The following FMO5 variants were observed in gnomAD, a reference collection of about 807,000 sequenced individuals.
FMO5 encodes the protein flavin-containing monooxygenase 5.
A neutral mutation model predicts 43.6 loss-of-function variants in FMO5; 51 were observed. The observed-to-expected ratio is 1.17, with a 90% confidence interval of 0.93 to 1.48. The LOEUF (loss-of-function observed/expected upper bound fraction) is 1.48, where lower values mean the gene tolerates loss of function less well. FMO5 is among the 40% of genes most tolerant of loss of function. The pLI is 0.00. For synonymous variants in FMO5, 187 were observed against 216.5 expected (o/e 0.86, Z 1.20); for missense variants, 644 against 643.0 (o/e 1.00, Z -0.02).
At chr1:147,184,709 A>G, downstream of FMO5, 3 of 1,388,346 alleles carry the variant, frequency 2.2e-6, no homozygotes, top group Non-Finnish European at 2.8e-6. The surrounding 1 kb of genome is among the most constrained non-coding windows in gnomAD (Gnocchi z 4.4). Context: ...GGTACATACT[A>G]TCAGTGTGAC....
Position 147,198,467 on chromosome 1 carries a change from G to A in FMO5, c.1183+2685C>T, listed in dbSNP as rs1658380911. On this transcript the variant is annotated intron_variant, in intron 7 of 8. Transcript: ENST00000254090. Reference sequence around the variant, plus strand: ...AGCACAGTGGAAGCAAAAGCACAGGGTACAAGGGTACCTGCTGTGTTTGCT... The same window carrying A: ...AGCACAGTGGAAGCAAAAGCACAGGATACAAGGGTACCTGCTGTGTTTGCT... Among the ~76,000 whole-genome samples the A allele has an allele frequency of 2.6e-5, 4 of 152,104 alleles. 1 individual carries two copies. In the South Asian group the frequency reaches 8.3e-4, roughly 31 times the overall value.
chr1:147,198,415 A>G (rs1658373011), intron 7 of FMO5, among the ~76,000 whole-genome samples: 1 of 152,182 alleles, frequency 6.6e-6, no homozygotes, highest in African/African-American at 2.4e-5. Context: ...AGAAATAAAA[A>G]GTAAAAGGAG....
At chr1:147,211,407 T>C (rs1476713086) in intron 5 of FMO5, 1 of 152,242 alleles carries the variant, frequency 6.6e-6, no homozygotes, top group African/African-American at 2.4e-5. Context: ...CTGATAAATG[T>C]CTGTTGAATT....
At chr1:147,222,267 C>G (rs1663164651) in intron 2 of FMO5, among the ~76,000 whole-genome samples, 1 of 152,100 alleles carries the variant, frequency 6.6e-6, no homozygotes, top group African/African-American at 2.4e-5. Context: ...ACTTGAGAGG[C>G]TAAGGCATGA....
intron 2 of FMO5, among the ~76,000 whole-genome samples, chr1:147,222,296 A>C (rs1294579897): frequency 6.6e-6 from 1 of 152,200 alleles, no homozygotes; most frequent in Admixed American, 6.5e-5. Context: ...TGAACCCAGG[A>C]GGCAGAGGTT....
In FMO5 at chr1:147,195,002, TGAG is replaced by T. The variant is rs587741986; in HGVS notation, c.1184-4756_1184-4754del. ...TTATGTGTCTTGGAGTTGCTCTTCT[TGAG>T]GAGTATCTTTGTGGCGTTCTCTGTA... On this transcript the variant is annotated intron_variant, in intron 7 of 8. Coordinates refer to ENST00000254090, the MANE Select transcript of FMO5 (RefSeq NM_001461.4). Among the ~76,000 whole-genome samples the T allele has an allele frequency of 2.8e-4, 42 of 151,408 alleles. No individual in the cohort carries two copies. In the East Asian group the frequency reaches 7.9e-3, roughly 29 times the overall value.
At chr1:147,223,226 C>G (rs1553926689) in intron 2 of FMO5, among the ~76,000 whole-genome samples, 1 of 152,158 alleles carries the variant, frequency 6.6e-6, no homozygotes, top group African/African-American at 2.4e-5. Flanking sequence ...GCAGAATTTT[C>G]TGCTGTTTAC....
chr1:147,201,395 A>G lies in FMO5; in HGVS notation c.940T>C (p.Phe314Leu), dbSNP rs139232242. The stretch of plus-strand genomic sequence containing the variant: ...TCATCCTCCCTGGAGCCATCCTCAA[A>G]TATGGCAGCTGTCTCCGTGAATTCC... The part of the protein sequence containing the change: ...VKEFTETAAI[F>L]EDGSREDDID... The change falls in exon 7 of 9, where the codon TTT (phenylalanine) becomes CTT (leucine). Residue 314 changes from phenylalanine to leucine, a missense_variant. Transcript: ENST00000254090. 1.2e-6 allele frequency: 2 copies of G among 1,613,914 alleles called. No homozygotes were observed. The highest frequency in any genetic ancestry group is 1.7e-6 in the Non-Finnish European group (2 of 1,179,886).
intron 6 of FMO5, among the ~76,000 whole-genome samples, chr1:147,207,381 G>A (rs781804926): frequency 6.6e-6 from 1 of 152,064 alleles, no homozygotes; most frequent in Non-Finnish European, 1.5e-5. Context: ...CTGTAGATCT[G>A]AACATTTTCA....
At chr1:147,225,116 T>C in intron 1 of FMO5, 50 bp from the exon 2 acceptor site, 5 of 1,599,688 alleles carry the variant, frequency 3.1e-6, no homozygotes, top group South Asian at 1.1e-5. Flanking sequence ...TTAACATTTT[T>C]CAAGGAAGAC....
At position 147,213,447 on chromosome 1, in the gene FMO5, C is replaced by A; in HGVS notation, c.348G>T (p.Lys116Asn). 2 of 1,610,332 alleles carry A rather than the reference C, an allele frequency of 1.2e-6. No homozygotes were observed. Among genetic ancestry groups the A allele is most frequent in the Non-Finnish European group, 1.7e-6 (2 of 1,177,960 alleles). The change falls in exon 4 of 9, where the codon AAG (lysine) becomes AAT (asparagine). Residue 116 changes from lysine (K) to asparagine (N), a missense_variant. By Grantham distance (94) the Lys-to-Asn change is moderately conservative. Coordinates refer to ENST00000254090, the MANE Select transcript of FMO5 (RefSeq NM_001461.4). ...RFKTTVCSVK[K>N]QPDFATSGQW... ...GGCCTGAAGTGGCAAAATCAGGCTG[C>A]TTCTTCACACTGCACACAGTGGTCT...
At chr1:147,206,951 A>T (rs913394267) in intron 6 of FMO5, among the ~76,000 whole-genome samples, 67 of 151,986 alleles carry the variant, frequency 4.4e-4, no homozygotes, top group East Asian at 1.5e-3. Context: ...TATATATATA[A>T]AAAGAGAGAT....
intron 3 of FMO5, 138 bp from the exon 4 acceptor site, chr1:147,213,608 A>G (rs1039510121): frequency 4.3e-6 from 3 of 697,544 alleles, no homozygotes; most frequent in African/African-American, 3.7e-5. Flanking sequence ...TACTCCACAA[A>G]TAAGAACTGT....
In FMO5 at chr1:147,190,252, A is replaced by G. The variant is rs782257804; in HGVS notation, c.1184-3T>C. On this transcript the variant is annotated splice_region_variant and splice_polypyrimidine_tract_variant and intron_variant, in intron 7 of 8. Coordinates refer to ENST00000254090, the MANE Select transcript of FMO5 (RefSeq NM_001461.4). ...CTGTGAGGGCAATGTCTTTAGACCT[A>G]AAAACAAAAATTAACATTTTAACTG... 1 of 1,584,084 alleles carries G rather than the reference A, an allele frequency of 6.3e-7. No individual in the cohort carries two copies. Among genetic ancestry groups the G allele is most frequent in the South Asian group, 1.1e-5 (1 of 88,990 alleles).
rs1553920964 is a variant in FMO5, at chr1:147,201,435, C to T, written c.900G>A (p.Val300=). The T allele has an allele frequency of 6.2e-7, 1 of 1,614,152 alleles. No individual in the cohort carries two copies. The highest frequency in any genetic ancestry group is 8.5e-7 in the Non-Finnish European group (1 of 1,180,018). The change falls in exon 7 of 9, where the codon GTG becomes GTA. Residue 300 remains valine (V), a synonymous_variant. Transcript: ENST00000254090. ...PNRIISGLVK[V]KGNVKEFTET... ...CCGTGAATTCCTTCACATTTCCTTT[C>T]ACTTTCACCAAGCCAGAAATGATAC...
At position 147,186,973 on chromosome 1, in the gene FMO5, A is replaced by G. The variant is rs782462768; in HGVS notation, c.1529T>C (p.Met510Thr). The G allele has an allele frequency of 2.5e-6, 4 of 1,614,224 alleles. No individual in the cohort carries two copies. In the East Asian group the frequency reaches 8.9e-5, roughly 36 times the overall value. ...MTRVVERSSS[M>T]TSTMTIGKFM... ...CTTGCCTATTGTCATTGTTGAAGTC[A>G]TAGAACTACTCCTTTCAACTACTCT... The change falls in exon 9 of 9, where the codon ATG (methionine) becomes ACG (threonine). Residue 510 changes from methionine to threonine, a missense_variant. Coordinates refer to ENST00000254090, the MANE Select transcript of FMO5 (RefSeq NM_001461.4).
chr1:147,201,328 A>T lies in FMO5; in HGVS notation c.1007T>A (p.Phe336Tyr). Reference sequence around the variant, plus strand: ...TTTGACGGAATCTTCCAGAAATGGAAAGTCAAAGCTATAGCCTGTGGCAAA... The same window carrying T: ...TTTGACGGAATCTTCCAGAAATGGATAGTCAAAGCTATAGCCTGTGGCAAA... The part of the protein sequence containing the change: ...VIFATGYSFD[F>Y]PFLEDSVKVV... The change falls in exon 7 of 9, where the codon TTT becomes TAT. Residue 336 changes from phenylalanine (F) to tyrosine (Y), a missense_variant. Transcript: ENST00000254090. 1.9e-6 allele frequency: 3 copies of T among 1,614,170 alleles called. No homozygotes were observed. The highest frequency in any genetic ancestry group is 2.5e-6 in the Non-Finnish European group (3 of 1,180,012).
intron 6 of FMO5, chr1:147,204,708 T>C (rs72708598): frequency 1.3e-6 from 2 of 1,534,350 alleles, no homozygotes; most frequent in East Asian, 2.2e-5. Context: ...GTACTTCTAG[T>C]TCTCTTAAAA....
At chr1:147,203,646 A>G in intron 6 of FMO5, 3 of 1,349,952 alleles carry the variant, frequency 2.2e-6, no homozygotes, top group Admixed American at 3.4e-5. Context: ...AGTCCAGGAC[A>G]TGTCTCTCCA....
Sources: allele counts gnomAD v4.1 joint callset (sites outside exome capture counted in the v4.1 genomes callset), GRCh38; gene constraint gnomAD v4.1.1; non-coding constraint Gnocchi (gnomAD v3.1); transcripts MANE v1.5; gene names NCBI Gene and HGNC (gene_info 2026-07-23, HGNC 2026-07-21).